Variants in FANCI observed in about 807,000 individuals in gnomAD.
FANCI encodes the protein Fanconi anemia group I protein.
FANCI carries 156 observed loss-of-function variants against 176.1 expected under a neutral mutation model. The observed-to-expected ratio is 0.89, with a 90% CI of 0.78 to 1.01. The LOEUF is 1.01. Among genes scored for constraint, FANCI ranks in the 50% least tolerant of loss-of-function variants. The probability of loss-of-function intolerance (pLI) is 0.00; values close to 1 mark genes in which losing one functional copy is unlikely to be tolerated. For synonymous variants in FANCI, 613 were observed against 541.7 expected (o/e 1.13, Z -1.83); for missense variants, 1,678 against 1,534.1 (o/e 1.09, Z -1.57).
chr15:89,292,704 G>A lies in FANCI; in HGVS notation c.2009G>A (p.Cys670Tyr). ...LQEPLDYLLC[C>Y]IQHCLAWYKN... ...CTCCTACAGGATTATCTGCTGTGTT[G>A]TATTCAGCATTGTTTGGCCTGGTAT... is the stretch of plus-strand genomic sequence containing the variant. The change falls in exon 21 of 38, where the codon TGT (cysteine) becomes TAT (tyrosine). Residue 670 changes from cysteine (C) to tyrosine (Y), a missense_variant. Physicochemically the swap from Cys to Tyr is radical, Grantham distance 194. Around this residue, in one of 3 missense-constraint regions of FANCI, gnomAD observed 1,204 missense variants for 1,077.4 expected, o/e 1.12. Transcript: ENST00000310775. 1.2e-6 allele frequency: 2 copies of A among 1,613,564 alleles called. No homozygotes were observed. Among genetic ancestry groups the A allele is most frequent in the African/African-American group, 1.3e-5 (1 of 75,036 alleles).
At position 89,316,856 on chromosome 15, in the gene FANCI, GC is replaced by G; in HGVS notation, c.*399del. ...AAAGATAGTGCAAATTGGTTAGGAT[GC>G]CACCTCAAGAACTGTAACTGAGAGC... On this transcript the variant is annotated 3_prime_UTR_variant, in exon 38 of 38. Coordinates refer to ENST00000310775, the MANE Select transcript of FANCI (RefSeq NM_001113378.2). The G allele has an allele frequency of 6.6e-7, 1 of 1,513,626 alleles. No individual in the cohort carries two copies. Among genetic ancestry groups the G allele is most frequent in the Non-Finnish European group, 9.2e-7 (1 of 1,088,380 alleles). 93.8% of individuals were successfully genotyped at this position (1,513,626 alleles called of 1,614,324 possible).
At chr15:89,262,536 ATGTTATATAAT>A (rs1471199738) in intron 6 of FANCI, among the ~76,000 whole-genome samples, 19 of 152,342 alleles carry the variant, frequency 1.2e-4, no homozygotes, top group Non-Finnish European at 2.8e-4. Flanking sequence ...AGAGATTACT[ATGTTATATAAT>A]ACTGTGATTG....
chr15:89,311,334 G>C (rs2054951145), intron 34 of FANCI, among the ~76,000 whole-genome samples: 1 of 152,124 alleles, frequency 6.6e-6, no homozygotes, highest in South Asian at 2.1e-4. Context: ...CAGGAGAATC[G>C]CTTGAACCTG....
chr15:89,281,359 G>A, intron 15 of FANCI, 59 bp downstream of exon 15: 1 of 1,586,388 alleles, frequency 6.3e-7, no homozygotes, highest in Non-Finnish European at 8.6e-7. Flanking sequence ...TCTAGTGGAA[G>A]TCTGATGCAT....
chr15:89,290,536 A>G (rs1177146205), intron 19 of FANCI: 3 of 479,080 alleles, frequency 6.3e-6, no homozygotes, highest in Non-Finnish European at 1.1e-5. Context: ...GGACATTTTG[A>G]AGAACCATTT....
chr15:89,276,943 T>G (rs758859481), intron 13 of FANCI, 52 bp downstream of exon 13: 1 of 1,585,878 alleles, frequency 6.3e-7, no homozygotes, highest in East Asian at 2.2e-5. Flanking sequence ...ATAATCCAAG[T>G]AGGGCTTGGC....
At chr15:89,291,821 A>G (rs75041438) in intron 20 of FANCI, 107 bp downstream of exon 20, 1 of 883,496 alleles carries the variant, frequency 1.1e-6, no homozygotes, top group Non-Finnish European at 1.9e-6. Flanking sequence ...GGTTCTTCCA[A>G]TGAATGTTTA....
In FANCI at chr15:89,277,487, G is replaced by A. The variant is rs181385597; in HGVS notation, c.1293+596G>A. On this transcript the variant is annotated intron_variant, in intron 13 of 37. Coordinates refer to ENST00000310775, the MANE Select transcript of FANCI (RefSeq NM_001113378.2). ...AAAAATTAGCCAGGTGTGGTGGCAC[G>A]CACCTGCAGTCCCAGCTACTTAGGT... 4.4e-4 allele frequency among the ~76,000 whole-genome samples: 66 copies of A among 151,686 alleles called. No individual in the cohort carries two copies. In the East Asian group the frequency reaches 7.4e-3, roughly 17 times the overall value.
chr15:89,253,808 CTG>C (rs756805337), intron 2 of FANCI, among the ~76,000 whole-genome samples: 14 of 143,308 alleles, frequency 9.8e-5, no homozygotes, highest in African/African-American at 1.5e-4. Context: ...GGAAGATAAA[CTG>C]TATTTTAAAA....
chr15:89,313,766 A>G (rs966076419), intron 35 of FANCI, among the ~76,000 whole-genome samples: 3 of 152,106 alleles, frequency 2.0e-5, no homozygotes, highest in Non-Finnish European at 4.4e-5. Flanking sequence ...TTAATAGAGG[A>G]CTGGCTAAAT....
chr15:89,311,407 A>C (rs953770003), intron 34 of FANCI, among the ~76,000 whole-genome samples: 1 of 152,208 alleles, frequency 6.6e-6, no homozygotes, highest in African/African-American at 2.4e-5. Flanking sequence ...CGACAGAGTG[A>C]AACTCCACCT....
rs1567155401 is a variant in FANCI, at chr15:89,278,792, A to G, written c.1381+18A>G. 6.3e-7 allele frequency: 1 copy of G among 1,590,238 alleles called. No individual in the cohort carries two copies. ...TTTCTTAGGTATTCAACTTTGAAAG[A>G]ATGAATAAAGTTTTTAGAAATATTT... On this transcript the variant is annotated intron_variant, in intron 14 of 37. Transcript: ENST00000310775.
intron 36 of FANCI, 116 bp from the exon 37 acceptor site, chr15:89,315,166 G>T (rs878893313): frequency 1.3e-6 from 1 of 788,016 alleles, no homozygotes; most frequent in Non-Finnish European, 2.3e-6. Context: ...AAGTGGGTGC[G>T]TGCTTGCTTT....
chr15:89,305,271 C>T, intron 29 of FANCI, 29 bp downstream of exon 29: 1 of 1,614,084 alleles, frequency 6.2e-7, no homozygotes, highest in Non-Finnish European at 8.5e-7. Context: ...AGTACAATAC[C>T]CTGTGTGGGG....
intron 23 of FANCI, 103 bp downstream of exon 23, chr15:89,294,100 TAA>T: frequency 7.6e-7 from 1 of 1,313,370 alleles, no homozygotes; most frequent in Admixed American, 1.7e-5. Context: ...CAGTAAGAAA[TAA>T]GTCAGGAGGT....
intron 1 of FANCI, among the ~76,000 whole-genome samples, chr15:89,247,126 T>A (rs2052023354): frequency 6.6e-6 from 1 of 151,384 alleles, no homozygotes; most frequent in African/African-American, 2.4e-5. Context: ...GCTGGAGTAC[T>A]GTGGCATGAT....
At chr15:89,307,280 A>G (rs903543405) in intron 32 of FANCI, among the ~76,000 whole-genome samples, 196 bp from the exon 33 acceptor site, 1 of 152,124 alleles carries the variant, frequency 6.6e-6, no homozygotes, top group Non-Finnish European at 1.5e-5. Context: ...TCAGAAACAA[A>G]CCCTTCATTA....
chr15:89,264,441 T>G, intron 8 of FANCI, 81 bp from the exon 9 acceptor site: 1 of 1,161,900 alleles, frequency 8.6e-7, no homozygotes, highest in Non-Finnish European at 1.3e-6. Flanking sequence ...GGAGAATTCT[T>G]TAAGCTGAAA....
intron 36 of FANCI, among the ~76,000 whole-genome samples, chr15:89,314,917 G>A (rs922999890): frequency 4.3e-5 from 6 of 138,108 alleles, no homozygotes; most frequent in African/African-American, 1.6e-4. Flanking sequence ...TGATCCTCTG[G>A]CCTCAGCCTC....
Sources: allele counts gnomAD v4.1 joint callset (sites outside exome capture counted in the v4.1 genomes callset), GRCh38; gene constraint gnomAD v4.1.1; regional missense constraint gnomAD v4.1.1; transcripts MANE v1.5; gene names NCBI Gene and HGNC (gene_info 2026-07-23, HGNC 2026-07-21).